The following FCHSD2 variants were observed in gnomAD, a reference collection of about 807,000 sequenced individuals.
FCHSD2 encodes F-BAR and double SH3 domains protein 2.
FCHSD2 carries 38 observed loss-of-function variants against 108.1 expected under a neutral mutation model. The ratio of observed to expected loss-of-function variants is 0.35; its 90% CI spans 0.27 to 0.46. The LOEUF (loss-of-function observed/expected upper bound fraction) is 0.46. Among genes scored for constraint, FCHSD2 ranks in the 20% least tolerant of loss-of-function variants. FCHSD2 has a pLI of 1.00. For missense variants in FCHSD2, 751 were observed against 897.8 expected, an observed-to-expected ratio of 0.84 and a Z score of 2.09; for synonymous variants, 279 against 314.7, an observed-to-expected ratio of 0.89 and a Z score of 1.20.
intron 3 of FCHSD2, among the ~76,000 whole-genome samples, chr11:73,031,702 C>T (rs1858365217): frequency 6.6e-6 from 1 of 152,220 alleles, no homozygotes; most frequent in Non-Finnish European, 1.5e-5. Context: ...CCCAAGCCTT[C>T]TGACTCCAAG....
chr11:72,861,019 C>T (rs1444635573), intron 13 of FCHSD2, among the ~76,000 whole-genome samples: 1 of 151,770 alleles, frequency 6.6e-6, no homozygotes, highest in Non-Finnish European at 1.5e-5. Flanking sequence ...AAATTAAATC[C>T]AAATTGAACA....
At chr11:72,891,481 T>A (rs1855312875) in intron 10 of FCHSD2, among the ~76,000 whole-genome samples, 1 of 152,230 alleles carries the variant, frequency 6.6e-6, no homozygotes, top group Non-Finnish European at 1.5e-5. Flanking sequence ...ATTTTTGGGG[T>A]TATCAGAAGT....
chr11:73,141,978 T>A lies in FCHSD2; in HGVS notation c.-101A>T. 3 of 1,223,960 alleles carry A rather than the reference T, an allele frequency of 2.5e-6. No individual in the cohort carries two copies. Among genetic ancestry groups the A allele is most frequent in the Non-Finnish European group, 3.4e-6 (3 of 880,200 alleles). The allele number at this position is 1,223,960 out of a possible 1,614,324, so 75.8% of individuals were successfully genotyped here. The stretch of plus-strand genomic sequence containing the variant: ...GGGGACGGCCCAGCGAGCGCGCGCG[T>A]GTGTGAAAGGAGCGCTTAAGAAGCA... On this transcript the variant is annotated 5_prime_UTR_variant, in exon 1 of 20. Transcript: ENST00000409418.
intron 3 of FCHSD2, among the ~76,000 whole-genome samples, chr11:73,069,453 A>G (rs1383704850): frequency 1.3e-5 from 2 of 152,070 alleles, no homozygotes; most frequent in Non-Finnish European, 2.9e-5. Flanking sequence ...ATACATACAT[A>G]CATATATACA....
chr11:73,117,152 C>T (rs934978512), intron 2 of FCHSD2, among the ~76,000 whole-genome samples: 18 of 152,290 alleles, frequency 1.2e-4, no homozygotes, highest in African/African-American at 4.3e-4. Flanking sequence ...GTACTTATAA[C>T]AAATACATTC....
At chr11:72,936,947 T>C (rs1011321053) in intron 8 of FCHSD2, among the ~76,000 whole-genome samples, 1 of 152,200 alleles carries the variant, frequency 6.6e-6, no homozygotes, top group African/African-American at 2.4e-5. Context: ...CAGTTTCTCT[T>C]GCCTCCTTTT....
chr11:73,129,232 A>G (rs1438029168), intron 2 of FCHSD2, among the ~76,000 whole-genome samples: 1 of 152,150 alleles, frequency 6.6e-6, no homozygotes, highest in Non-Finnish European at 1.5e-5. Flanking sequence ...TGGGCGCCAT[A>G]ATTTGTGAAC....
chr11:72,888,132 T>C (rs569512149), intron 11 of FCHSD2, among the ~76,000 whole-genome samples: 45 of 152,114 alleles, frequency 3.0e-4, no homozygotes, highest in Non-Finnish European at 6.2e-4. Flanking sequence ...GATAGCCAAG[T>C]ATAGGAATCT....
At chr11:73,139,359 C>T (rs943305282) in intron 2 of FCHSD2, among the ~76,000 whole-genome samples, 2 of 152,128 alleles carry the variant, frequency 1.3e-5, no homozygotes, top group East Asian at 1.9e-4. Flanking sequence ...CCATTCTTGA[C>T]GAAAATCTTT....
intron 3 of FCHSD2, among the ~76,000 whole-genome samples, chr11:73,044,356 T>G (rs1858707204): frequency 6.6e-6 from 1 of 152,132 alleles, no homozygotes; most frequent in Admixed American, 6.6e-5. Flanking sequence ...GGTAGGAGTA[T>G]CGCTTGAGCC....
chr11:72,942,837 A>G (rs931462279), intron 8 of FCHSD2, among the ~76,000 whole-genome samples: 2 of 152,196 alleles, frequency 1.3e-5, no homozygotes, highest in East Asian at 1.9e-4. Flanking sequence ...GCTGGAGTGC[A>G]GTGGTATGAT....
At chr11:73,040,077 C>A (rs1247350199) in intron 3 of FCHSD2, among the ~76,000 whole-genome samples, 1 of 152,110 alleles carries the variant, frequency 6.6e-6, no homozygotes, top group Non-Finnish European at 1.5e-5. Context: ...ATTATTTTAA[C>A]CAAATTATCC....
chr11:72,998,895 A>T (rs188576890), intron 5 of FCHSD2, among the ~76,000 whole-genome samples: 8 of 152,338 alleles, frequency 5.3e-5, no homozygotes, highest in Admixed American at 5.2e-4. Flanking sequence ...TGCAGCTGCT[A>T]TGCAAAACAA....
intron 13 of FCHSD2, among the ~76,000 whole-genome samples, chr11:72,866,577 CTCT>C (rs1404267889): frequency 6.6e-6 from 1 of 152,128 alleles, no homozygotes; most frequent in Non-Finnish European, 1.5e-5. Context: ...GCCAGAGCAA[CTCT>C]GTTCTAATAA....
chr11:73,031,984 A>G (rs1858371864), intron 3 of FCHSD2, among the ~76,000 whole-genome samples: 1 of 152,254 alleles, frequency 6.6e-6, no homozygotes, highest in Non-Finnish European at 1.5e-5. Context: ...ATATCCACCA[A>G]GAGGAACTAT....
rs3040733 is a variant in FCHSD2, at chr11:73,033,989, AAATAT to A, written c.166-18109_166-18105del. ...ATGTTATTACGAATAGAAATCATGA[AAATAT>A]AATAGACAATTTTAATACCGATAGC... On this transcript the variant is annotated intron_variant, in intron 3 of 19. Coordinates refer to ENST00000409418, the MANE Select transcript of FCHSD2 (RefSeq NM_014824.3). 9.2e-3 allele frequency among the ~76,000 whole-genome samples: 1,409 copies of A among 152,334 alleles called. 22 individuals are homozygous for A. The highest frequency in any genetic ancestry group is 0.032 in the African/African-American group (1,324 of 41,566).
Position 73,142,051 on chromosome 11 carries a change from G to C in FCHSD2, c.-174C>G, listed in dbSNP as rs899568313. On this transcript the variant is annotated 5_prime_UTR_variant, in exon 1 of 20. Transcript: ENST00000409418. ...GCCAGCGGGCGGCAGGCGGACCCCA[G>C]CCAGAGAGCGAGTGTGAGGAGACGA... is the stretch of plus-strand genomic sequence containing the variant. The C allele has an allele frequency of 1.4e-4, 83 of 599,564 alleles. No homozygotes were observed. The highest frequency in any genetic ancestry group is 2.0e-4 in the Non-Finnish European group (70 of 347,676). 37.1% of individuals were successfully genotyped at this position (599,564 alleles called of 1,614,324 possible).
At chr11:73,083,898 G>A (rs1316986491) in intron 2 of FCHSD2, among the ~76,000 whole-genome samples, 158 bp from the exon 3 acceptor site, 1 of 152,102 alleles carries the variant, frequency 6.6e-6, no homozygotes, top group African/African-American at 2.4e-5. Flanking sequence ...TAACAGCCTG[G>A]TCTCTACAGT....
At chr11:72,999,711 C>G (rs1857587515) in intron 5 of FCHSD2, among the ~76,000 whole-genome samples, 1 of 152,126 alleles carries the variant, frequency 6.6e-6, no homozygotes, top group African/African-American at 2.4e-5. Context: ...GGTAGTTAAA[C>G]TCTCTAAATA....
Sources: gnomAD v4.1 joint callset for allele counts (sites outside exome capture counted in the v4.1 genomes callset) on GRCh38, gnomAD v4.1.1 for gene constraint, MANE v1.5 for transcripts, NCBI Gene and HGNC (gene_info 2026-07-23, HGNC 2026-07-21) for gene names.